The following MOBP variants were observed in gnomAD, a reference collection of about 807,000 sequenced individuals.
The protein encoded by MOBP is myelin associated oligodendrocyte basic protein.
In MOBP, 5 loss-of-function variants were observed where a neutral mutation model predicts 15.0. That is an observed-to-expected ratio of 0.33 (90% CI 0.17 to 0.70). The LOEUF (loss-of-function observed/expected upper bound fraction) is 0.70. Ranked by LOEUF, MOBP falls within the 30% of genes least tolerant of loss-of-function variation. The pLI, the probability that MOBP is intolerant of heterozygous loss-of-function variation, is 0.67. For missense variants in MOBP, 188 were observed against 257.8 expected (o/e 0.73, Z 1.85); for synonymous variants, 88 against 99.0 (o/e 0.89, Z 0.66).
At chr3:39,477,130 T>C (rs1322172394) in intron 1 of MOBP, among the ~76,000 whole-genome samples, 1 of 152,140 alleles carries the variant, frequency 6.6e-6, no homozygotes, top group Non-Finnish European at 1.5e-5. Context: ...AACTGAAAGA[T>C]TGGGATGTTC....
chr3:39,479,389 A>G (rs995063411), intron 1 of MOBP, among the ~76,000 whole-genome samples: 3 of 148,362 alleles, frequency 2.0e-5, no homozygotes, highest in Non-Finnish European at 2.9e-5. Context: ...TAATCTTATA[A>G]GACCTTTTTT....
chr3:39,502,274 A>C lies in MOBP; in HGVS notation c.205A>C (p.Arg69=). Residue 69 remains arginine (R), a splice_region_variant and synonymous_variant, in exon 3 of 4, where the codon AGA becomes CGA. Transcript: ENST00000684792. This position sits in a 1 kb window ranked among gnomAD's most constrained non-coding sequence, Gnocchi z 6.3. ...GATCTGCTGCGCCTGCCAGAAGACC[A>C]GGTAAGCGGCCGCCCAGCCCCGCGG... The part of the protein sequence containing the change: ...DWICCACQKT[R]TSRRAKSPQR... 1 of 1,614,036 alleles carries C rather than the reference A, an allele frequency of 6.2e-7. No individual in the cohort carries two copies. The highest frequency in any genetic ancestry group is 2.2e-5 in the East Asian group (1 of 44,874).
downstream of MOBP, among the ~76,000 whole-genome samples, chr3:39,517,241 G>T (rs9818639): frequency 0.052 from 7,926 of 152,136 alleles, 718 homozygotes; most frequent in African/African-American, 0.18. Context: ...ACTTCTTCTT[G>T]TTGAGCATCA....
intron 2 of MOBP, among the ~76,000 whole-genome samples, chr3:39,483,233 G>A (rs542546054): frequency 6.6e-6 from 1 of 152,260 alleles, no homozygotes; most frequent in East Asian, 1.9e-4. Flanking sequence ...TTGAATGAAT[G>A]AATGGTTTTA....
At chr3:39,475,945 C>T (rs1224392063) in intron 1 of MOBP, among the ~76,000 whole-genome samples, 2 of 152,152 alleles carry the variant, frequency 1.3e-5, no homozygotes, top group Non-Finnish European at 2.9e-5. Flanking sequence ...TTCATTCTTA[C>T]GTTGCTATAA....
At chr3:39,491,843 C>A (rs1768224) in intron 2 of MOBP, among the ~76,000 whole-genome samples, 45,340 of 151,978 alleles carry the variant, frequency 0.3, 9,141 homozygotes, top group African/African-American at 0.57. Context: ...TTTTTCTAGG[C>A]GAAACCTCAA....
intron 2 of MOBP, among the ~76,000 whole-genome samples, chr3:39,484,402 G>A (rs1388964844): frequency 6.6e-6 from 1 of 152,148 alleles, no homozygotes; most frequent in Non-Finnish European, 1.5e-5. Context: ...TAAAGTTTTT[G>A]AGTAGGGACA....
intron 4 of MOBP, among the ~76,000 whole-genome samples, chr3:39,511,635 C>T (rs999171896): frequency 1.3e-5 from 2 of 152,174 alleles, no homozygotes; most frequent in Admixed American, 6.5e-5. Context: ...TCCCTTGATA[C>T]TTCCACTGCT....
intron 2 of MOBP, among the ~76,000 whole-genome samples, chr3:39,494,822 A>C: frequency 8.7e-6 from 1 of 114,618 alleles, no homozygotes; most frequent in East Asian, 3.0e-4. Flanking sequence ...TTATTATTAC[A>C]GGAAACTGAG....
intron 2 of MOBP, among the ~76,000 whole-genome samples, chr3:39,495,532 C>T (rs188741128): frequency 1.3e-5 from 2 of 151,528 alleles, no homozygotes; most frequent in East Asian, 1.9e-4. Context: ...GTAATCCCAG[C>T]ACTTTGGGAG....
At chr3:39,491,999 G>A (rs992671715) in intron 2 of MOBP, among the ~76,000 whole-genome samples, 2 of 152,214 alleles carry the variant, frequency 1.3e-5, no homozygotes, top group African/African-American at 4.8e-5. Flanking sequence ...GCTGCCCTCA[G>A]CCTCATCCAG....
At chr3:39,499,335 A>G (rs549174765) in intron 2 of MOBP, 15 of 152,438 alleles carry the variant, frequency 9.8e-5, no homozygotes, top group African/African-American at 3.6e-4. Flanking sequence ...ATTGGTCTAT[A>G]CATACCTGTC....
At chr3:39,473,590 A>C (rs903063010) in intron 1 of MOBP, among the ~76,000 whole-genome samples, 2 of 152,210 alleles carry the variant, frequency 1.3e-5, no homozygotes, top group Non-Finnish European at 1.5e-5. Flanking sequence ...GTAAGAGCTC[A>C]ATAAAGGAGG....
chr3:39,500,530 A>G (rs1021976983), intron 2 of MOBP, among the ~76,000 whole-genome samples: 6 of 152,182 alleles, frequency 3.9e-5, no homozygotes, highest in African/African-American at 1.2e-4. Flanking sequence ...AGATGGAGAG[A>G]GACCAAATAT....
At chr3:39,515,572 C>T (rs2043190842) in exon 5 of MOBP, 1 of 152,218 alleles carries the variant, frequency 6.6e-6, no homozygotes, top group Non-Finnish European at 1.5e-5. Flanking sequence ...TCTTTCCCTA[C>T]CCAGCAAGAC....
intron 2 of MOBP, among the ~76,000 whole-genome samples, chr3:39,483,685 T>C (rs2042658697): frequency 6.6e-6 from 1 of 152,256 alleles, no homozygotes; most frequent in African/African-American, 2.4e-5. Flanking sequence ...TACCTACGTA[T>C]GTGTACATTC....
intron 2 of MOBP, among the ~76,000 whole-genome samples, chr3:39,494,060 T>A (rs1289573473): frequency 6.6e-6 from 1 of 152,206 alleles, no homozygotes; most frequent in Non-Finnish European, 1.5e-5. Context: ...CATGGGGGAA[T>A]TATATAGATT....
downstream of MOBP, among the ~76,000 whole-genome samples, chr3:39,520,575 TGA>T (rs10532496): frequency 0.23 from 32,959 of 146,462 alleles, 3,892 homozygotes; most frequent in African/African-American, 0.32. Context: ...TGTGTGTGTA[TGA>T]GAGAGAGAGA....
chr3:39,515,514 G>C (rs115515649), exon 5 of MOBP: 1 of 152,142 alleles, frequency 6.6e-6, no homozygotes, highest in African/African-American at 2.4e-5. Context: ...AGGGGACAAG[G>C]TTCATTGTTC....
Sources: allele counts gnomAD v4.1 joint callset (sites outside exome capture counted in the v4.1 genomes callset), GRCh38; gene constraint gnomAD v4.1.1; non-coding constraint Gnocchi (gnomAD v3.1); transcripts MANE v1.5; gene names NCBI Gene and HGNC (gene_info 2026-07-23, HGNC 2026-07-21).